Variants in GALNTL6 observed in about 807,000 individuals in gnomAD.
The protein encoded by GALNTL6 is polypeptide N-acetylgalactosaminyltransferase-like 6.
A neutral mutation model predicts 73.7 loss-of-function variants in GALNTL6; 46 were observed. The observed-to-expected ratio is 0.62, with a 90% CI of 0.49 to 0.80. The LOEUF is 0.80. GALNTL6 is among the 30% of genes least tolerant of loss of function. The pLI, the probability that GALNTL6 is intolerant of heterozygous loss-of-function variation, is 0.00. For synonymous variants in GALNTL6, 259 were observed against 263.7 expected (o/e 0.98, Z 0.17); for missense variants, 604 against 755.0 (o/e 0.80, Z 2.34).
chr4:171,814,654 T>C lies in GALNTL6; in HGVS notation c.74T>C (p.Val25Ala). The C allele has an allele frequency of 6.2e-7, 1 of 1,614,184 alleles. No individual in the cohort carries two copies. Among genetic ancestry groups the C allele is most frequent in the Non-Finnish European group, 8.5e-7 (1 of 1,180,030 alleles). ...FTVALIFLPN[V>A]GLWSLYKDKH... Reference sequence around the variant, plus strand: ...GTGGCTTTAATTTTCCTGCCTAACGTTGGTCTCTGGTCTCTGTACAAGGAT... The same window carrying C: ...GTGGCTTTAATTTTCCTGCCTAACGCTGGTCTCTGGTCTCTGTACAAGGAT... Residue 25 changes from valine to alanine, a missense_variant, in exon 2 of 13, where the codon GTT (valine) becomes GCT (alanine). By Grantham distance (64) the Val-to-Ala change is moderately conservative. Coordinates refer to ENST00000506823, the MANE Select transcript of GALNTL6 (RefSeq NM_001034845.3).
chr4:173,032,563 A>T (rs571616811), intron 12 of GALNTL6, among the ~76,000 whole-genome samples: 9 of 151,996 alleles, frequency 5.9e-5, no homozygotes, highest in Non-Finnish European at 1.0e-4. Flanking sequence ...GGCAGCACGC[A>T]TGTGGTCCCA....
At chr4:172,624,672 A>C (rs930957532) in intron 5 of GALNTL6, among the ~76,000 whole-genome samples, 12 of 152,088 alleles carry the variant, frequency 7.9e-5, no homozygotes, top group African/African-American at 1.9e-4. Flanking sequence ...GCAGTAAATA[A>C]ATGCAATTAG....
At position 172,341,445 on chromosome 4, in the gene GALNTL6, C is replaced by T. The variant is rs868329241; in HGVS notation, c.387-7078C>T. ...CAGCCTGGGCGACAGAGCGAGACTCCGTCTCAAAAAAAAAAAAAAAAAAAA... is the reference window on the plus strand; with the variant it reads ...CAGCCTGGGCGACAGAGCGAGACTCTGTCTCAAAAAAAAAAAAAAAAAAAA... On this transcript the variant is annotated intron_variant, in intron 4 of 12. Transcript: ENST00000506823. Among the ~76,000 whole-genome samples the T allele has an allele frequency of 2.3e-3, 168 of 71,602 alleles. 1 individual carries two copies. The highest frequency in any genetic ancestry group is 4.1e-3 in the Non-Finnish European group (146 of 35,614). 47.0% of individuals were successfully genotyped at this position (71,602 alleles called of 152,430 possible). A position where few individuals can be genotyped will look rare whatever the true frequency, so the allele number is the denominator to read the frequency against.
chr4:172,111,547 T>A (rs1382806221), intron 2 of GALNTL6, among the ~76,000 whole-genome samples: 1 of 152,086 alleles, frequency 6.6e-6, no homozygotes, highest in Non-Finnish European at 1.5e-5. Flanking sequence ...CTTTACCCCT[T>A]CTTTTGTACA....
intron 5 of GALNTL6, among the ~76,000 whole-genome samples, chr4:172,780,759 A>T (rs114850490): frequency 6.6e-6 from 1 of 152,194 alleles, no homozygotes; most frequent in South Asian, 2.1e-4. Context: ...AGAGCAAAAT[A>T]TTATTACTCA....
intron 5 of GALNTL6, among the ~76,000 whole-genome samples, chr4:172,379,478 C>G (rs1251750612): frequency 7.7e-6 from 1 of 129,148 alleles, no homozygotes; most frequent in African/African-American, 2.9e-5. Flanking sequence ...TGCAGTGAGC[C>G]GAGATTGCGC....
At chr4:171,837,339 G>T (rs1035523815) in intron 2 of GALNTL6, among the ~76,000 whole-genome samples, 10 of 152,070 alleles carry the variant, frequency 6.6e-5, no homozygotes, top group African/African-American at 2.2e-4. Flanking sequence ...TAAATGCAAG[G>T]CATGAGAGTG....
intron 8 of GALNTL6, among the ~76,000 whole-genome samples, chr4:172,900,312 G>A (rs771295097): frequency 5.3e-5 from 8 of 152,044 alleles, no homozygotes; most frequent in African/African-American, 1.7e-4. Flanking sequence ...ATTACCCAAC[G>A]TCACTTAGAG....
chr4:172,577,667 A>AC (rs1298981312), intron 5 of GALNTL6, among the ~76,000 whole-genome samples: 1 of 151,882 alleles, frequency 6.6e-6, no homozygotes, highest in Non-Finnish European at 1.5e-5. Context: ...ATTAGATGGC[A>AC]CCTGTTGCTT....
chr4:172,527,000 CAG>C lies in GALNTL6; in HGVS notation c.553+178312_553+178313del, dbSNP rs201929296. ...CCCTGGATGATACAGTCACTAGAGA[CAG>C]GGTTCATTATTTTATTTTAGTTATT... On this transcript the variant is annotated intron_variant, in intron 5 of 12. Coordinates refer to ENST00000506823, the MANE Select transcript of GALNTL6 (RefSeq NM_001034845.3). 1.6e-4 allele frequency among the ~76,000 whole-genome samples: 24 copies of C among 152,254 alleles called. No individual in the cohort carries two copies. The East Asian group carries it at 1.9e-3, about 12-fold the overall frequency.
intron 5 of GALNTL6, among the ~76,000 whole-genome samples, chr4:172,711,990 CA>C (rs1734735738): frequency 6.6e-6 from 1 of 152,110 alleles, no homozygotes; most frequent in Admixed American, 6.6e-5. Flanking sequence ...AAGAGCACTT[CA>C]AGAGGACAGA....
intron 3 of GALNTL6, among the ~76,000 whole-genome samples, chr4:172,286,707 G>A (rs902649070): frequency 5.3e-5 from 8 of 152,142 alleles, no homozygotes; most frequent in Non-Finnish European, 1.2e-4. Context: ...TGGTGGTTGG[G>A]GGAGGACGGT....
At chr4:172,524,460 A>G (rs887565739) in intron 5 of GALNTL6, among the ~76,000 whole-genome samples, 3 of 152,112 alleles carry the variant, frequency 2.0e-5, no homozygotes, top group Admixed American at 2.0e-4. Flanking sequence ...CATATTGGCC[A>G]GGCTGGAAGT....
chr4:172,451,853 T>A (rs1178753662), intron 5 of GALNTL6, among the ~76,000 whole-genome samples: 1 of 151,766 alleles, frequency 6.6e-6, no homozygotes, highest in Non-Finnish European at 1.5e-5. Flanking sequence ...AAAAATGAAA[T>A]TAAAAAAATT....
At chr4:172,078,120 G>A (rs1731761603) in intron 2 of GALNTL6, among the ~76,000 whole-genome samples, 3 of 152,132 alleles carry the variant, frequency 2.0e-5, no homozygotes, top group Non-Finnish European at 2.9e-5. Flanking sequence ...GGAAATGCCT[G>A]GATGTCCAGG....
intron 7 of GALNTL6, among the ~76,000 whole-genome samples, chr4:172,875,440 C>T (rs979894601): frequency 5.3e-5 from 8 of 152,144 alleles, no homozygotes; most frequent in Non-Finnish European, 1.2e-4. Context: ...CCTTCTCATT[C>T]CTCAGAGAGA....
chr4:172,599,172 G>A (rs763421259), intron 5 of GALNTL6, among the ~76,000 whole-genome samples: 7 of 152,086 alleles, frequency 4.6e-5, no homozygotes, highest in African/African-American at 1.2e-4. Flanking sequence ...AAATAAATGC[G>A]CATGCAGGTC....
At chr4:172,127,021 G>GC (rs1579163868) in intron 2 of GALNTL6, among the ~76,000 whole-genome samples, 1 of 152,274 alleles carries the variant, frequency 6.6e-6, no homozygotes. Flanking sequence ...AAGCTTACCT[G>GC]CCCCAGCCAG....
intron 5 of GALNTL6, among the ~76,000 whole-genome samples, chr4:172,471,707 G>C (rs1420617220): frequency 2.0e-5 from 3 of 152,126 alleles, no homozygotes. Context: ...AACTAACAGT[G>C]AATCAATAAG....
Sources: allele counts gnomAD v4.1 joint callset (sites outside exome capture counted in the v4.1 genomes callset), GRCh38; gene constraint gnomAD v4.1.1; transcripts MANE v1.5; gene names NCBI Gene and HGNC (gene_info 2026-07-23, HGNC 2026-07-21).